The following THSD7B variants were observed in gnomAD, a reference collection of about 807,000 sequenced individuals.
The protein encoded by THSD7B is thrombospondin type 1 domain containing 7B, also known as thrombospondin type-1 domain-containing protein 7B.
A neutral mutation model predicts 213.6 loss-of-function variants in THSD7B; 138 were observed. The ratio of observed to expected loss-of-function variants is 0.65; its 90% CI spans 0.56 to 0.74. The LOEUF (loss-of-function observed/expected upper bound fraction) is 0.74. Ranked by LOEUF, THSD7B falls within the 30% of genes least tolerant of loss-of-function variation. The pLI is 0.00. For synonymous variants in THSD7B, 742 were observed against 687.0 expected (o/e 1.08, Z -1.25); for missense variants, 1,931 against 1,991.5 (o/e 0.97, Z 0.58).
chr2:137,515,482 G>A (rs967229779), intron 15 of THSD7B, among the ~76,000 whole-genome samples: 3 of 152,126 alleles, frequency 2.0e-5, no homozygotes, highest in Admixed American at 6.5e-5. Context: ...GCTCCTACAG[G>A]TGAGGTTCAG....
rs1243071527 is a variant in THSD7B, at chr2:137,366,716, G to A, written c.2501-38897G>A. 2.6e-5 allele frequency among the ~76,000 whole-genome samples: 4 copies of A among 151,520 alleles called. No individual in the cohort carries two copies. In the East Asian group the frequency reaches 5.8e-4, roughly 22 times the overall value. ...TAAGAAAGGCAAATAAAAGATAAAC[G>A]TTTTTGATATTGTTATAAAAAATAT... is the stretch of plus-strand genomic sequence containing the variant. On this transcript the variant is annotated intron_variant, in intron 12 of 27. Transcript: ENST00000409968.
chr2:137,244,996 TG>T (rs369846047), intron 10 of THSD7B, among the ~76,000 whole-genome samples: 2 of 152,118 alleles, frequency 1.3e-5, no homozygotes, highest in Non-Finnish European at 2.9e-5. Flanking sequence ...TCAATAACTA[TG>T]GGGGGGTGGT....
intron 12 of THSD7B, among the ~76,000 whole-genome samples, chr2:137,375,792 G>C (rs946123147): frequency 6.6e-6 from 1 of 152,188 alleles, no homozygotes; most frequent in African/African-American, 2.4e-5. Context: ...GCAGCACCTT[G>C]AGAGAGTCTA....
At chr2:136,834,930 A>G (rs575529848) in intron 1 of THSD7B, among the ~76,000 whole-genome samples, 11 of 152,214 alleles carry the variant, frequency 7.2e-5, no homozygotes, top group Non-Finnish European at 1.6e-4. Context: ...TAAATGTTCA[A>G]ATGTCCCCAT....
At chr2:137,060,205 A>G (rs2104880250) in intron 3 of THSD7B, among the ~76,000 whole-genome samples, 1 of 152,132 alleles carries the variant, frequency 6.6e-6, no homozygotes, top group Non-Finnish European at 1.5e-5. Context: ...CTATTTTTTA[A>G]TTGAGTTGTT....
intron 1 of THSD7B, among the ~76,000 whole-genome samples, chr2:136,860,877 C>T (rs1338852864): frequency 6.6e-6 from 1 of 152,238 alleles, no homozygotes; most frequent in East Asian, 1.9e-4. Context: ...CTGATGCTCT[C>T]CTGGAATCAT....
chr2:137,172,081 T>A (rs1680264528), intron 7 of THSD7B, among the ~76,000 whole-genome samples: 1 of 152,212 alleles, frequency 6.6e-6, no homozygotes, highest in Non-Finnish European at 1.5e-5. Context: ...TTTGTTTGTG[T>A]GATATTGTGT....
chr2:137,106,511 A>C (rs1331653232), intron 4 of THSD7B, among the ~76,000 whole-genome samples: 2 of 152,254 alleles, frequency 1.3e-5, no homozygotes, highest in African/African-American at 4.8e-5. Context: ...TAAAACACCA[A>C]AAGCAATGGC....
chr2:137,514,317 A>C (rs890324543), intron 15 of THSD7B, among the ~76,000 whole-genome samples: 20 of 152,174 alleles, frequency 1.3e-4, no homozygotes, highest in Admixed American at 9.2e-4. Context: ...CAGTGTGGCC[A>C]GAATAAAAGG....
intron 12 of THSD7B, among the ~76,000 whole-genome samples, chr2:137,328,545 G>C (rs555780684): frequency 2.0e-5 from 3 of 152,090 alleles, no homozygotes; most frequent in African/African-American, 7.2e-5. Flanking sequence ...TAGCAGTTAC[G>C]CTTCTTCCTT....
At chr2:136,907,698 T>A (rs1373069494) in intron 2 of THSD7B, among the ~76,000 whole-genome samples, 9 of 152,224 alleles carry the variant, frequency 5.9e-5, no homozygotes, top group Non-Finnish European at 1.5e-5. Flanking sequence ...AGTCTGAGAA[T>A]TTTTATTTTG....
At chr2:137,381,511 C>A (rs1685775598) in intron 12 of THSD7B, among the ~76,000 whole-genome samples, 1 of 152,130 alleles carries the variant, frequency 6.6e-6, no homozygotes, top group African/African-American at 2.4e-5. Context: ...GGCTTCAGAG[C>A]TTGGAAAAAG....
intron 14 of THSD7B, among the ~76,000 whole-genome samples, chr2:137,429,669 G>C (rs529953077): frequency 1.6e-3 from 249 of 152,276 alleles, no homozygotes; most frequent in African/African-American, 5.8e-3. Context: ...CAGCGTCTCA[G>C]AATAGAGGAA....
intron 14 of THSD7B, among the ~76,000 whole-genome samples, chr2:137,429,184 C>T (rs940957996): frequency 6.6e-6 from 1 of 152,082 alleles, no homozygotes; most frequent in Non-Finnish European, 1.5e-5. Context: ...GAGAAACTGC[C>T]AATGGATATA....
In THSD7B at chr2:136,804,396, C is replaced by G. The variant is rs959104417; in HGVS notation, c.-36+38709C>G. Among the ~76,000 whole-genome samples the G allele has an allele frequency of 2.7e-5, 3 of 111,940 alleles. No homozygotes were observed. The South Asian group carries it at 1.0e-3, about 38-fold the overall frequency. The allele number at this position is 111,940 out of a possible 152,430, so 73.4% of individuals were successfully genotyped here. A position where few individuals can be genotyped will look rare whatever the true frequency, so the allele number is the denominator to read the frequency against. On this transcript the variant is annotated intron_variant, in intron 1 of 27. Coordinates refer to ENST00000409968, the MANE Select transcript of THSD7B (RefSeq NM_001316349.2). The stretch of plus-strand genomic sequence containing the variant: ...GAATGTACTGGAACTCACATACACA[C>G]ACACATAACACACACACACACACAC...
rs1218129003 is a variant in THSD7B at position 137,221,155 on chromosome 2, C to T, written c.1724-9889C>T. On this transcript the variant is annotated intron_variant, in intron 7 of 27. Transcript: ENST00000409968. ...TACAAAAATTAGGCAGGAGTGGTGG[C>T]GGGCACCTGTAGTCCCAGCTATTCG... Among the ~76,000 whole-genome samples, 4 of 152,056 alleles carry T rather than the reference C, an allele frequency of 2.6e-5. No homozygotes were observed. The East Asian group carries it at 5.8e-4, about 22-fold the overall frequency.
intron 2 of THSD7B, among the ~76,000 whole-genome samples, chr2:136,992,110 G>GA (rs1325008647): frequency 2.0e-5 from 3 of 152,040 alleles, no homozygotes; most frequent in Non-Finnish European, 4.4e-5. Flanking sequence ...TCCAGACTTG[G>GA]AAAAAATAAT....
At position 137,386,658 on chromosome 2, in the gene THSD7B, C is replaced by T. The variant is rs913934352; in HGVS notation, c.2501-18955C>T. Reference sequence around the variant, plus strand: ...CAAGCTCCAGCCTTTTATAGTTTTTCCAGGGAGAACATTATCATTTCTTTT... The same window carrying T: ...CAAGCTCCAGCCTTTTATAGTTTTTTCAGGGAGAACATTATCATTTCTTTT... On this transcript the variant is annotated intron_variant, in intron 12 of 27. Coordinates refer to ENST00000409968, the MANE Select transcript of THSD7B (RefSeq NM_001316349.2). Among the ~76,000 whole-genome samples, 4 of 152,236 alleles carry T rather than the reference C, an allele frequency of 2.6e-5. 1 individual carries two copies. Among genetic ancestry groups the T allele is most frequent in the South Asian group, 4.2e-4 (2 of 4,818 alleles).
Position 137,234,568 on chromosome 2 carries a change from C to T in THSD7B, c.2150+1435C>T, listed in dbSNP as rs1681723281. ...AGTCGTACTGTGACTTGAAGGGAAGCATAGCCTGGAACACTTGACCTTTCT... is the reference window on the plus strand; with the variant it reads ...AGTCGTACTGTGACTTGAAGGGAAGTATAGCCTGGAACACTTGACCTTTCT... On this transcript the variant is annotated intron_variant, in intron 9 of 27. Transcript: ENST00000409968. 2.0e-5 allele frequency among the ~76,000 whole-genome samples: 3 copies of T among 152,168 alleles called. No homozygotes were observed. In the South Asian group the frequency reaches 6.2e-4, roughly 32 times the overall value.
Sources: gnomAD v4.1 joint callset for allele counts (sites outside exome capture counted in the v4.1 genomes callset) on GRCh38, gnomAD v4.1.1 for gene constraint, MANE v1.5 for transcripts, NCBI Gene and HGNC (gene_info 2026-07-23, HGNC 2026-07-21) for gene names.